Variants in FAM120AOS observed in about 807,000 individuals in gnomAD.
The protein encoded by FAM120AOS is uncharacterized protein FAM120AOS.
Under a neutral mutation model 20.2 loss-of-function variants are expected in FAM120AOS, and 15 were observed. That is an observed-to-expected ratio of 0.74 (90% CI 0.50 to 1.15). The LOEUF (loss-of-function observed/expected upper bound fraction) is 1.15, where lower values mean the gene tolerates loss of function less well. Ranked by LOEUF, FAM120AOS falls within the 50% of genes most tolerant of loss-of-function variation. The probability of loss-of-function intolerance (pLI) is 0.00; values close to 1 mark genes in which losing one functional copy is unlikely to be tolerated. For synonymous variants in FAM120AOS, 154 were observed against 154.0 expected, an observed-to-expected ratio of 1.00 and a Z score of 0.00; for missense variants, 327 against 351.9, an observed-to-expected ratio of 0.93 and a Z score of 0.57.
intron 1 of FAM120AOS, chr9:93,450,975 G>A (rs1857133578): frequency 1.4e-6 from 2 of 1,481,454 alleles, no homozygotes; most frequent in Admixed American, 2.0e-5. Context: ...CTTCCGTGAC[G>A]AGCAGGCGCT....
chr9:93,448,499 G>C (rs1284958762), intron 2 of FAM120AOS: 5 of 202,812 alleles, frequency 2.5e-5, no homozygotes, highest in African/African-American at 1.2e-4. Flanking sequence ...TCTTGGGGGA[G>C]AAAAAATAAA....
chr9:93,451,688 G>A (rs1158396447), intron 1 of FAM120AOS: 4 of 977,158 alleles, frequency 4.1e-6, no homozygotes, highest in Middle Eastern at 5.1e-4. Context: ...CCTCGGCCTC[G>A]GCCTCGCAGC....
At chr9:93,448,047 G>A (rs540374592) in intron 2 of FAM120AOS, among the ~76,000 whole-genome samples, 15 of 152,242 alleles carry the variant, frequency 9.9e-5, no homozygotes, top group East Asian at 9.6e-4. Flanking sequence ...TTCCATGATC[G>A]CAGACTCCCT....
Position 93,449,747 on chromosome 9 carries a change from A to G in FAM120AOS, c.684+732T>C, listed in dbSNP as rs181631611. Among the ~76,000 whole-genome samples, 94 of 152,162 alleles carry G rather than the reference A, an allele frequency of 6.2e-4. 3 individuals carry two copies. The East Asian group carries it at 0.015, about 24-fold the overall frequency. ...GTGATCTGCCCGCCTCGGCCTCCCAACGTGCTGGGATTACAGGCGTGAGCC... is the reference window on the plus strand; with the variant it reads ...GTGATCTGCCCGCCTCGGCCTCCCAGCGTGCTGGGATTACAGGCGTGAGCC... On this transcript the variant is annotated intron_variant, in intron 2 of 2. Transcript: ENST00000375412.
At chr9:93,447,878 A>G (rs1030484929) in intron 2 of FAM120AOS, among the ~76,000 whole-genome samples, 181 bp from the exon 3 acceptor site, 7 of 152,240 alleles carry the variant, frequency 4.6e-5, no homozygotes, top group African/African-American at 1.7e-4. Context: ...AACTGCCGAT[A>G]CACGGCTGCA....
At position 93,445,695 on chromosome 9, in the gene FAM120AOS, G is replaced by A. The variant is rs901172918; in HGVS notation, c.*1916C>T. Among the ~76,000 whole-genome samples the A allele has an allele frequency of 6.9e-6, 1 of 145,678 alleles. No homozygotes were observed. Among genetic ancestry groups the A allele is most frequent in the Non-Finnish European group, 1.5e-5 (1 of 67,234 alleles). On this transcript the variant is annotated 3_prime_UTR_variant, in exon 3 of 3. Transcript: ENST00000375412. ...AACCTCCACCACCTTGGCTCAAGTAGTCTTCCCACCTCAGCCTCCTGAGAA... is the reference window on the plus strand; with the variant it reads ...AACCTCCACCACCTTGGCTCAAGTAATCTTCCCACCTCAGCCTCCTGAGAA...
rs1420388695 is a variant in FAM120AOS, at chr9:93,450,764, C to T, written c.564-165G>A. 2.3e-5 allele frequency: 26 copies of T among 1,146,698 alleles called. No individual in the cohort carries two copies. In the East Asian group the frequency reaches 6.7e-4, roughly 29 times the overall value. The allele number at this position is 1,146,698 out of a possible 1,614,324, so 71.0% of individuals were successfully genotyped here. Reference sequence around the variant, plus strand: ...TACAGTATCAACCTCATTTTAGAAGCAGTTACGACAGAGCTTTGGAACAGA... The same window carrying T: ...TACAGTATCAACCTCATTTTAGAAGTAGTTACGACAGAGCTTTGGAACAGA... On this transcript the variant is annotated intron_variant, in intron 1 of 2. Coordinates refer to ENST00000375412, the MANE Select transcript of FAM120AOS (RefSeq NM_198841.4).
In FAM120AOS at chr9:93,446,545, C is replaced by G. The variant is rs1242998338; in HGVS notation, c.*1066G>C. On this transcript the variant is annotated 3_prime_UTR_variant, in exon 3 of 3. Coordinates refer to ENST00000375412, the MANE Select transcript of FAM120AOS (RefSeq NM_198841.4). ...TACTTCAAAAGATGATCCTGAAGATCCCATCACAGAGTGTTTAAGGGATGA... is the reference window on the plus strand; with the variant it reads ...TACTTCAAAAGATGATCCTGAAGATGCCATCACAGAGTGTTTAAGGGATGA... 1 of 152,112 alleles carries G rather than the reference C, an allele frequency of 6.6e-6. No individual in the cohort carries two copies. The highest frequency in any genetic ancestry group is 2.4e-5 in the African/African-American group (1 of 41,436). 9.4% of individuals were successfully genotyped at this position (152,112 alleles called of 1,614,324 possible). A position where few individuals can be genotyped will look rare whatever the true frequency, so the allele number is the denominator to read the frequency against.
rs902660771 is a variant in FAM120AOS at position 93,443,570 on chromosome 9, T to C, written c.*4041A>G. Among the ~76,000 whole-genome samples, 2 of 152,184 alleles carry C rather than the reference T, an allele frequency of 1.3e-5. No homozygotes were observed. The highest frequency in any genetic ancestry group is 2.9e-5 in the Non-Finnish European group (2 of 68,026). On this transcript the variant is annotated 3_prime_UTR_variant, in exon 3 of 3. Transcript: ENST00000375412. ...TTCTGCTAAAATTCCCTGAAGAATG[T>C]TTCTTTTTTTTCTGTTTTGTCAGGC... is the stretch of plus-strand genomic sequence containing the variant.
At chr9:93,449,724 G>C (rs1344218117) in intron 2 of FAM120AOS, among the ~76,000 whole-genome samples, 1 of 151,964 alleles carries the variant, frequency 6.6e-6, no homozygotes, top group Non-Finnish European at 1.5e-5. Flanking sequence ...TTGACCTCGT[G>C]ATCTGCCCGC....
chr9:93,448,427 A>G, intron 2 of FAM120AOS: 1 of 208,870 alleles, frequency 4.8e-6, no homozygotes, highest in Non-Finnish European at 1.0e-5. Flanking sequence ...TGGGAGAGGG[A>G]GGTTGCAGTG....
At position 93,445,797 on chromosome 9, in the gene FAM120AOS, C is replaced by G. The variant is rs1023957945; in HGVS notation, c.*1814G>C. On this transcript the variant is annotated 3_prime_UTR_variant, in exon 3 of 3. Coordinates refer to ENST00000375412, the MANE Select transcript of FAM120AOS (RefSeq NM_198841.4). ...GACAATGGGTTTCATCATGTTGCCT[C>G]AAGAAAAATAACATCATGGTAATAC... Among the ~76,000 whole-genome samples the G allele has an allele frequency of 6.6e-6, 1 of 151,752 alleles. No homozygotes were observed. Among genetic ancestry groups the G allele is most frequent in the Non-Finnish European group, 1.5e-5 (1 of 67,918 alleles).
chr9:93,450,579 C>A lies in FAM120AOS; in HGVS notation c.584G>T (p.Gly195Val), dbSNP rs746196889. Residue 195 changes from glycine to valine, a missense_variant, in exon 2 of 3, where the codon GGA (glycine) becomes GTA (valine). This residue lies in a region of FAM120AOS where 86 missense variants were observed against 82.9 expected (regional missense o/e 1.04). Coordinates refer to ENST00000375412, the MANE Select transcript of FAM120AOS (RefSeq NM_198841.4). Reference sequence around the variant, plus strand: ...TCCGGCCACAGCCTGTCGGTTGCATCCTGCTCCTCTACAGAGGTTTCTCCA... The same window carrying A: ...TCCGGCCACAGCCTGTCGGTTGCATACTGCTCCTCTACAGAGGTTTCTCCA... ...SAARNLCRGA[G>V]CNRQAVAGQL... The A allele has an allele frequency of 6.2e-7, 1 of 1,606,742 alleles. No homozygotes were observed. The highest frequency in any genetic ancestry group is 8.5e-7 in the Non-Finnish European group (1 of 1,176,598).
intron 1 of FAM120AOS, chr9:93,451,015 G>A (rs918226962): frequency 8.4e-6 from 13 of 1,544,398 alleles, no homozygotes; most frequent in African/African-American, 8.2e-5. Flanking sequence ...AGACATTATG[G>A]TGTGTTTGGC....
chr9:93,450,558 G>A lies in FAM120AOS; in HGVS notation c.605C>T (p.Ala202Val), dbSNP rs921219018. The change falls in exon 2 of 3, where the codon GCC (alanine) becomes GTC (valine). Residue 202 changes from alanine to valine, a missense_variant. By Grantham distance (64) the Ala-to-Val change is moderately conservative. Coordinates refer to ENST00000375412, the MANE Select transcript of FAM120AOS (RefSeq NM_198841.4). Reference sequence around the variant, plus strand: ...CCATGTGCTGGGCAGCAGCTGTCCGGCCACAGCCTGTCGGTTGCATCCTGC... The same window carrying A: ...CCATGTGCTGGGCAGCAGCTGTCCGACCACAGCCTGTCGGTTGCATCCTGC... Reference protein sequence around the residue: ...RGAGCNRQAVAGQLLPSTWSL... With the variant: ...RGAGCNRQAVVGQLLPSTWSL... 3 of 1,607,212 alleles carry A rather than the reference G, an allele frequency of 1.9e-6. No homozygotes were observed. Among genetic ancestry groups the A allele is most frequent in the African/African-American group, 2.7e-5 (2 of 74,472 alleles).
chr9:93,451,001 C>T lies in FAM120AOS; in HGVS notation c.564-402G>A, dbSNP rs905196996. ...AGCAGGCGCTTAGGGCTACCTGTAC[C>T]TTCAGACATTATGGTGTGTTTGGCC... On this transcript the variant is annotated intron_variant, in intron 1 of 2. Coordinates refer to ENST00000375412, the MANE Select transcript of FAM120AOS (RefSeq NM_198841.4). 3.9e-6 allele frequency: 6 copies of T among 1,540,808 alleles called. No individual in the cohort carries two copies. In the South Asian group the frequency reaches 7.2e-5, roughly 18 times the overall value.
intron 2 of FAM120AOS, among the ~76,000 whole-genome samples, chr9:93,449,403 T>C (rs376277602): frequency 2.2e-4 from 34 of 152,032 alleles, no homozygotes; most frequent in Middle Eastern, 6.8e-3. Flanking sequence ...AAGATGGATA[T>C]TGGGGGCCTG....
chr9:93,452,206 C>T lies in FAM120AOS; in HGVS notation c.504G>A (p.Pro168=). The T allele has an allele frequency of 1.2e-6, 2 of 1,611,718 alleles. No homozygotes were observed. Among genetic ancestry groups the T allele is most frequent in the South Asian group, 2.2e-5 (2 of 90,948 alleles). ...ACATCGAGCTCTTCGTCTTCTTCAA[C>T]GGCGCGCTCGAGAAGGCCCGGCTGC... The part of the protein sequence containing the change: ...HSCSRAFSSA[P]LKKTKSSMLP... The change falls in exon 1 of 3, where the codon CCG becomes CCA. Residue 168 remains proline (P), a synonymous_variant. Transcript: ENST00000375412. This position sits in a 1 kb window ranked among gnomAD's most constrained non-coding sequence, Gnocchi z 7.0.
rs1857302455 is a variant in FAM120AOS at position 93,452,565 on chromosome 9, G to C, written c.145C>G (p.Leu49Val). The C allele has an allele frequency of 6.3e-7, 1 of 1,590,314 alleles. No individual in the cohort carries two copies. The highest frequency in any genetic ancestry group is 1.7e-5 in the Admixed American group (1 of 58,344). The change falls in exon 1 of 3, where the codon CTG becomes GTG. Residue 49 changes from leucine to valine, a missense_variant. By Grantham distance (32) the Leu-to-Val change is conservative (BLOSUM62 1). Coordinates refer to ENST00000375412, the MANE Select transcript of FAM120AOS (RefSeq NM_198841.4). This position sits in a 1 kb window ranked among gnomAD's most constrained non-coding sequence, Gnocchi z 7.0. ...TGCAAGATGGATGGCCGCGGGTGCA[G>C]GCCGCGCGCTGCCCAAGCCCGTCTC... ...SWRRAWAARG[L>V]HPRPSILQPG... is the part of the protein sequence containing the mutation.
Sources: allele counts gnomAD v4.1 joint callset (sites outside exome capture counted in the v4.1 genomes callset), GRCh38; gene constraint gnomAD v4.1.1; regional missense constraint gnomAD v4.1.1; non-coding constraint Gnocchi (gnomAD v3.1); transcripts MANE v1.5; gene names NCBI Gene and HGNC (gene_info 2026-07-23, HGNC 2026-07-21).